PLXNB2: variants seen among roughly 807,000 people sequenced by gnomAD.
The protein encoded by PLXNB2 is plexin B2.
Under a neutral mutation model 202.6 loss-of-function variants are expected in PLXNB2, and 85 were observed. The observed-to-expected ratio is 0.42, with a 90% CI of 0.35 to 0.50. The LOEUF is 0.50. Ranked by LOEUF, PLXNB2 falls within the 20% of genes least tolerant of loss-of-function variation. PLXNB2 has a pLI of 0.02. For synonymous variants in PLXNB2, 1,239 were observed against 1,137.6 expected, an observed-to-expected ratio of 1.09 and a Z score of -1.79; for missense variants, 2,063 against 2,586.2, an observed-to-expected ratio of 0.80 and a Z score of 4.39.
intron 1 of PLXNB2, among the ~76,000 whole-genome samples, chr22:50,296,590 CAAAAA>C (rs34197202): frequency 1.8e-5 from 1 of 56,460 alleles, no homozygotes; most frequent in African/African-American, 7.0e-5. Flanking sequence ...GACTCTGTCT[CAAAAA>C]AAAAAAAAAA....
chr22:50,281,498 A>G lies in PLXNB2; in HGVS notation c.3524T>C (p.Val1175Ala). 1 of 1,611,016 alleles carries G rather than the reference A, an allele frequency of 6.2e-7. No individual in the cohort carries two copies. Among genetic ancestry groups the G allele is most frequent in the Non-Finnish European group, 8.5e-7 (1 of 1,179,170 alleles). ...CACCCACTCGCGAGAGCCGAACTTC[A>G]CCTGTGTGGGGGGCCGGGTTCAGCG... The part of the protein sequence containing the change: ...DTTHNLPEFI[V>A]KFGSREWVLG... The change falls in exon 22 of 37, where the codon GTG becomes GCG. Residue 1175 changes from valine (V) to alanine (A), a missense_variant and splice_region_variant. This residue lies in a region of PLXNB2 where 760 missense variants were observed against 1,109.4 expected (regional missense o/e 0.69). Transcript: ENST00000359337.
Position 50,280,972 on chromosome 22 carries a change from G to A in PLXNB2, c.3765C>T (p.Asp1255=), listed in dbSNP as rs1342683927. ...TCTGGTCCTCCATCTCGATCATCAG[G>A]TCTGGGGGGAGGCTGGCGTGAGACG... is the stretch of plus-strand genomic sequence containing the variant. ...VRDRCKKEFT[D]LMIEMEDQTN... is the part of the protein sequence containing the mutation. The change falls in exon 24 of 37, where the codon GAC becomes GAT. Residue 1255 remains aspartate, a splice_region_variant and synonymous_variant. Transcript: ENST00000359337. 1 of 1,612,652 alleles carries A rather than the reference G, an allele frequency of 6.2e-7. No individual in the cohort carries two copies.
chr22:50,294,257 C>T (rs2067101052), intron 2 of PLXNB2, among the ~76,000 whole-genome samples: 1 of 152,260 alleles, frequency 6.6e-6, no homozygotes, highest in Non-Finnish European at 1.5e-5. Context: ...GGCTGAAGCT[C>T]GGAGGGGCAC....
At chr22:50,283,568 GC>G in intron 15 of PLXNB2, 33 bp downstream of exon 15, 1 of 1,396,396 alleles carries the variant, frequency 7.2e-7, no homozygotes, top group Non-Finnish European at 9.6e-7. Flanking sequence ...TACTGACCCA[GC>G]TGACAGGGCC....
In PLXNB2 at chr22:50,282,797, C is replaced by G; in HGVS notation, c.2901G>C (p.Gly967=). 1 of 1,607,740 alleles carries G rather than the reference C, an allele frequency of 6.2e-7. No homozygotes were observed. Among genetic ancestry groups the G allele is most frequent in the Non-Finnish European group, 8.5e-7 (1 of 1,177,034 alleles). Residue 967 remains glycine, a synonymous_variant, in exon 18 of 37, where the codon GGG becomes GGC. Transcript: ENST00000359337. The stretch of plus-strand genomic sequence containing the variant: ...AGATGCCGGGGTTGGGCACGGGGGA[C>G]CCCCCGTAGGAGACCTCCAGAAGCA... ...GQMLLEVSYG[G]SPVPNPGIFF...
rs2066614278 is a variant in PLXNB2, at chr22:50,288,257, G to T, written c.1381-220C>A. 6.6e-6 allele frequency among the ~76,000 whole-genome samples: 1 copy of T among 152,086 alleles called. No homozygotes were observed. The highest frequency in any genetic ancestry group is 2.1e-4 in the South Asian group (1 of 4,822). On this transcript the variant is annotated intron_variant, in intron 5 of 36. Coordinates refer to ENST00000359337, the MANE Select transcript of PLXNB2 (RefSeq NM_012401.4). This position sits in a 1 kb window ranked among gnomAD's most constrained non-coding sequence, Gnocchi z 5.0. ...GGGAAGCCTGGAGGTCTTGGCTATGGTGTCTCCCGGGGCAGCTCCTGTCCT... is the reference window on the plus strand; with the variant it reads ...GGGAAGCCTGGAGGTCTTGGCTATGTTGTCTCCCGGGGCAGCTCCTGTCCT...
chr22:50,289,184 C>G lies in PLXNB2; in HGVS notation c.1069-42G>C. 3 of 1,482,894 alleles carry G rather than the reference C, an allele frequency of 2.0e-6. No homozygotes were observed. In the South Asian group the frequency reaches 3.8e-5, roughly 19 times the overall value. 91.9% of individuals were successfully genotyped at this position (1,482,894 alleles called of 1,614,324 possible). On this transcript the variant is annotated intron_variant, in intron 3 of 36. Coordinates refer to ENST00000359337, the MANE Select transcript of PLXNB2 (RefSeq NM_012401.4). This position sits in a 1 kb window ranked among gnomAD's most constrained non-coding sequence, Gnocchi z 8.0. Reference sequence around the variant, plus strand: ...GTCAATGGCAGGCAGACCCCCTGTCCTGAAGGGCCCTCTCCACTCGCGCTC... The same window carrying G: ...GTCAATGGCAGGCAGACCCCCTGTCGTGAAGGGCCCTCTCCACTCGCGCTC...
chr22:50,279,487 C>T, intron 27 of PLXNB2, 143 bp downstream of exon 27: 1 of 814,504 alleles, frequency 1.2e-6, no homozygotes, highest in Non-Finnish European at 2.0e-6. Flanking sequence ...CTCCCTGAGG[C>T]CGAGTTAGAG....
In PLXNB2 at chr22:50,288,516, A is replaced by G. The variant is rs1052681281; in HGVS notation, c.1380+227T>C. ...CAGAGGGAGAGACATGGTTGAGACC[A>G]CAAAGGACAAACAGAAGGAGCGGCA... is the stretch of plus-strand genomic sequence containing the variant. On this transcript the variant is annotated intron_variant, in intron 5 of 36. Transcript: ENST00000359337. The surrounding 1 kb of genome is among the most constrained non-coding windows in gnomAD (Gnocchi z 5.0). Among the ~76,000 whole-genome samples, 5 of 152,040 alleles carry G rather than the reference A, an allele frequency of 3.3e-5. No homozygotes were observed. The highest frequency in any genetic ancestry group is 1.2e-4 in the African/African-American group (5 of 41,406).
Position 50,286,252 on chromosome 22 carries a change from G to C in PLXNB2, c.1798C>G (p.Arg600Gly), listed in dbSNP as rs1333488993. ...TAGGACGTGAGGAAGATGTTGCCTC[G>C]TCTAAGGAGGAGCTGGATGGTCACG... ...VAVTIQLLLRRGNIFLTSYQY... is the reference protein window; with the variant it reads ...VAVTIQLLLRGGNIFLTSYQY... Residue 600 changes from arginine to glycine, a missense_variant, in exon 9 of 37, where the codon CGA becomes GGA. By Grantham distance (125) the Arg-to-Gly change is moderately radical. Coordinates refer to ENST00000359337, the MANE Select transcript of PLXNB2 (RefSeq NM_012401.4). The C allele has an allele frequency of 1.9e-6, 3 of 1,613,110 alleles. No homozygotes were observed. The highest frequency in any genetic ancestry group is 2.7e-5 in the African/African-American group (2 of 74,924).
intron 1 of PLXNB2, among the ~76,000 whole-genome samples, chr22:50,303,670 C>T (rs922287815): frequency 2.0e-5 from 3 of 152,230 alleles, no homozygotes; most frequent in Non-Finnish European, 2.9e-5. Flanking sequence ...GCCCAGAAAT[C>T]GGTGCTGGAC....
rs1228653243 is a variant in PLXNB2 at position 50,307,124 on chromosome 22, C to CCCCA, written c.-74+425_-74+428dup. ...CCCTGGTCCCCCCGCGCCAAGCAGG[C>CCCCA]CCCAGGGGGTGCGGGGACGGCCCCC... On this transcript the variant is annotated intron_variant, in intron 1 of 36. Coordinates refer to ENST00000359337, the MANE Select transcript of PLXNB2 (RefSeq NM_012401.4). Among the ~76,000 whole-genome samples the CCCCA allele has an allele frequency of 9.8e-5, 15 of 152,320 alleles. No homozygotes were observed. In the East Asian group the frequency reaches 2.9e-3, roughly 29 times the overall value.
In PLXNB2 at chr22:50,301,926, C is replaced by CG. The variant is rs2067712519; in HGVS notation, c.-74+5626_-74+5627insC. ...ACATGACCACACATGTGCAGACACA[C>CG]ATGGCTGGGTGCTGCCGGAAAAGCC... On this transcript the variant is annotated intron_variant, in intron 1 of 36. Transcript: ENST00000359337. Among the ~76,000 whole-genome samples, 3 of 152,390 alleles carry CG rather than the reference C, an allele frequency of 2.0e-5. No individual in the cohort carries two copies. The East Asian group carries it at 5.8e-4, about 29-fold the overall frequency.
chr22:50,307,438 C>T, intron 1 of PLXNB2, 115 bp downstream of exon 1: 1 of 522,306 alleles, frequency 1.9e-6, no homozygotes, highest in Non-Finnish European at 2.5e-6. Flanking sequence ...GAGCCGCAGC[C>T]GCCGCAGGTC....
chr22:50,278,554 C>T, intron 29 of PLXNB2, 35 bp from the exon 30 acceptor site: 1 of 1,594,202 alleles, frequency 6.3e-7, no homozygotes, highest in Admixed American at 1.7e-5. Context: ...GGCTGTGCCC[C>T]CAGGGTGCCC....
rs375533858 is a variant in PLXNB2 at position 50,284,116 on chromosome 22, C to T, written c.2263+16G>A. The stretch of plus-strand genomic sequence containing the variant: ...CCCGTCCCCTGCCCGCCCCCCACTG[C>T]GCCCGTGGCCCCCACCATGGAGCTT... On this transcript the variant is annotated intron_variant, in intron 13 of 36. Transcript: ENST00000359337. This position sits in a 1 kb window ranked among gnomAD's most constrained non-coding sequence, Gnocchi z 8.0. 5.9e-5 allele frequency: 95 copies of T among 1,604,772 alleles called. No individual in the cohort carries two copies. The highest frequency in any genetic ancestry group is 5.8e-4 in the African/African-American group (43 of 74,686).
chr22:50,304,831 T>C (rs915489809), intron 1 of PLXNB2, among the ~76,000 whole-genome samples: 3 of 151,678 alleles, frequency 2.0e-5, no homozygotes, highest in Non-Finnish European at 2.9e-5. Flanking sequence ...TGGATCTGCC[T>C]CAGAGAAGGG....
chr22:50,282,817 G>C lies in PLXNB2; in HGVS notation c.2881C>G (p.Leu961Val), dbSNP rs773225348. ...GPQATRGQML[L>V]EVSYGGSPVP... is the part of the protein sequence containing the mutation. ...GGGGACCCCCCGTAGGAGACCTCCA[G>C]AAGCATCTGGCCCCGTGTCGCCTGG... Residue 961 changes from leucine to valine, a missense_variant, in exon 18 of 37, where the codon CTG becomes GTG. Coordinates refer to ENST00000359337, the MANE Select transcript of PLXNB2 (RefSeq NM_012401.4). The C allele has an allele frequency of 1.9e-6, 3 of 1,613,126 alleles. No individual in the cohort carries two copies. The highest frequency in any genetic ancestry group is 2.5e-6 in the Non-Finnish European group (3 of 1,179,738).
chr22:50,292,070 G>A (rs2066906873), intron 2 of PLXNB2, among the ~76,000 whole-genome samples: 1 of 152,226 alleles, frequency 6.6e-6, no homozygotes, highest in Admixed American at 6.5e-5. Flanking sequence ...AGGCCCGGTG[G>A]CTCACGCCTG....
Sources: gnomAD v4.1 joint callset for allele counts (sites outside exome capture counted in the v4.1 genomes callset) on GRCh38, gnomAD v4.1.1 for gene constraint, gnomAD v4.1.1 regional missense constraint, Gnocchi (gnomAD v3.1) non-coding constraint, MANE v1.5 for transcripts, NCBI Gene and HGNC (gene_info 2026-07-23, HGNC 2026-07-21) for gene names.